Variants in ZFHX3 observed in about 807,000 individuals in gnomAD.
ZFHX3 encodes zinc finger homeobox protein 3.
ZFHX3 carries 42 observed loss-of-function variants against 279.1 expected under a neutral mutation model. The ratio of observed to expected loss-of-function variants is 0.15; its 90% confidence interval spans 0.12 to 0.19. ZFHX3 has a LOEUF of 0.19. Among genes scored for constraint, ZFHX3 ranks in the 10% least tolerant of loss-of-function variants. ZFHX3 has a pLI of 1.00. For synonymous variants in ZFHX3, 2,293 were observed against 1,957.8 expected (o/e 1.17, Z -4.52); for missense variants, 4,981 against 4,754.0 (o/e 1.05, Z -1.40).
intron 5 of ZFHX3, among the ~76,000 whole-genome samples, chr16:72,814,495 G>A (rs529368546): frequency 6.6e-6 from 1 of 152,272 alleles, no homozygotes; most frequent in East Asian, 1.9e-4. Flanking sequence ...GGACCAAAGA[G>A]TCCATCCTCT....
intron 3 of ZFHX3, among the ~76,000 whole-genome samples, chr16:73,329,346 C>T (rs2143220987): frequency 6.6e-6 from 1 of 152,370 alleles, no homozygotes; most frequent in East Asian, 1.9e-4. Context: ...ACCCTTTCCA[C>T]CCTCTTGCTT....
At chr16:73,511,853 T>C (rs2019433456) in intron 2 of ZFHX3, among the ~76,000 whole-genome samples, 1 of 152,146 alleles carries the variant, frequency 6.6e-6, no homozygotes. Context: ...TAGATGATCC[T>C]AAGAATCTTG....
intron 3 of ZFHX3, among the ~76,000 whole-genome samples, chr16:73,435,451 C>G (rs1030031245): frequency 2.0e-5 from 3 of 152,276 alleles, no homozygotes; most frequent in Admixed American, 6.5e-5. Context: ...CTCAGGTGAT[C>G]TGCCTGCCTC....
chr16:73,486,399 A>G (rs1400044885), intron 2 of ZFHX3, among the ~76,000 whole-genome samples: 1 of 152,102 alleles, frequency 6.6e-6, no homozygotes, highest in African/African-American at 2.4e-5. Context: ...TTCCTTTTCA[A>G]TAAATCTTTG....
At chr16:73,356,158 T>C (rs937388852) in intron 3 of ZFHX3, among the ~76,000 whole-genome samples, 1 of 152,222 alleles carries the variant, frequency 6.6e-6, no homozygotes, top group African/African-American at 2.4e-5. Context: ...ACTTTCTGAA[T>C]GGCGGAGTCA....
chr16:72,904,211 C>T (rs1427057289), intron 3 of ZFHX3, among the ~76,000 whole-genome samples: 1 of 151,804 alleles, frequency 6.6e-6, no homozygotes, highest in Non-Finnish European at 1.5e-5. Context: ...ACCAAAAATA[C>T]AAAAATTAGC....
intron 3 of ZFHX3, among the ~76,000 whole-genome samples, chr16:73,413,400 T>A (rs976197201): frequency 4.6e-5 from 7 of 152,050 alleles, no homozygotes; most frequent in African/African-American, 1.7e-4. Context: ...GTTGGGACTG[T>A]GTTGGAGAGG....
At chr16:73,282,742 T>C (rs1458564050) in intron 4 of ZFHX3, among the ~76,000 whole-genome samples, 1 of 152,240 alleles carries the variant, frequency 6.6e-6, no homozygotes, top group Non-Finnish European at 1.5e-5. Flanking sequence ...CTTTTCTTCT[T>C]GTTTCATTGT....
chr16:73,562,397 C>T (rs1278497526), intron 2 of ZFHX3, among the ~76,000 whole-genome samples: 5 of 151,966 alleles, frequency 3.3e-5, no homozygotes, highest in East Asian at 3.9e-4. Flanking sequence ...AGATCGAGAC[C>T]ATCCTGGCTA....
At chr16:73,121,514 A>G (rs1966498651) in intron 7 of ZFHX3, among the ~76,000 whole-genome samples, 1 of 152,166 alleles carries the variant, frequency 6.6e-6, no homozygotes, top group Non-Finnish European at 1.5e-5. Context: ...CCTTGAGAAC[A>G]GTTTTCCCAA....
chr16:73,522,092 C>A (rs186511775), intron 2 of ZFHX3, among the ~76,000 whole-genome samples: 3 of 152,244 alleles, frequency 2.0e-5, no homozygotes, highest in African/African-American at 7.2e-5. Context: ...AAAGAGAATT[C>A]ATTATTATTC....
chr16:73,288,015 G>A (rs1016700889), intron 4 of ZFHX3, among the ~76,000 whole-genome samples: 1 of 152,102 alleles, frequency 6.6e-6, no homozygotes, highest in African/African-American at 2.4e-5. Flanking sequence ...GATAGAGAGC[G>A]TCCCCAGCAT....
In ZFHX3 at chr16:73,381,850, A is replaced by G. The variant is rs375404588; in HGVS notation, c.-1290-63514T>C. 2.4e-3 allele frequency among the ~76,000 whole-genome samples: 370 copies of G among 152,348 alleles called. 1 individual carries two copies. Among genetic ancestry groups the G allele is most frequent in the Non-Finnish European group, 3.8e-3 (258 of 68,036 alleles). On this transcript the variant is annotated intron_variant, in intron 3 of 17. Transcript: ENST00000641206. ...AGTCTACAAATTTGTGACAGGCCGCATTCAAAGCCATCCCGGGCTGCATGC... is the reference window on the plus strand; with the variant it reads ...AGTCTACAAATTTGTGACAGGCCGCGTTCAAAGCCATCCCGGGCTGCATGC...
At chr16:73,139,827 G>A (rs760284159) in intron 6 of ZFHX3, among the ~76,000 whole-genome samples, 5 of 152,228 alleles carry the variant, frequency 3.3e-5, no homozygotes, top group Non-Finnish European at 7.3e-5. Context: ...GCAGAGGTAG[G>A]TAGGGAATAT....
At chr16:73,011,983 A>C (rs970935689) in intron 1 of ZFHX3, among the ~76,000 whole-genome samples, 1 of 152,120 alleles carries the variant, frequency 6.6e-6, no homozygotes, top group East Asian at 1.9e-4. Flanking sequence ...CTCTTCTGCC[A>C]CCACTGAAAT....
At chr16:73,249,201 A>G (rs2013406574) in intron 5 of ZFHX3, among the ~76,000 whole-genome samples, 1 of 152,220 alleles carries the variant, frequency 6.6e-6, no homozygotes, top group Non-Finnish European at 1.5e-5. Context: ...TTTTGCCTCT[A>G]AAGTTAGTAA....
chr16:72,788,876 G>A (rs749419895), intron 9 of ZFHX3, 28 bp from the exon 10 acceptor site: 46 of 1,514,382 alleles, frequency 3.0e-5, no homozygotes, highest in Middle Eastern at 3.6e-4. Context: ...AGAAATCACC[G>A]GTCAGTCTGG....
intron 4 of ZFHX3, among the ~76,000 whole-genome samples, chr16:72,840,826 T>C (rs1288668301): frequency 6.6e-6 from 1 of 152,208 alleles, no homozygotes; most frequent in African/African-American, 2.4e-5. Context: ...GCCACTAATA[T>C]GCACAGCTGG....
chr16:73,083,688 C>T (rs946368151), intron 8 of ZFHX3, among the ~76,000 whole-genome samples: 1 of 152,158 alleles, frequency 6.6e-6, no homozygotes, highest in Non-Finnish European at 1.5e-5. Flanking sequence ...CACCATCACA[C>T]CTGGTTAACT....
Sources: gnomAD v4.1 joint callset for allele counts (sites outside exome capture counted in the v4.1 genomes callset) on GRCh38, gnomAD v4.1.1 for gene constraint, MANE v1.5 for transcripts, NCBI Gene and HGNC (gene_info 2026-07-23, HGNC 2026-07-21) for gene names.